Variants in CEP192 observed in about 807,000 individuals in gnomAD.
The protein encoded by CEP192 is centrosomal protein 192, also known as centrosomal protein of 192 kDa.
Under a neutral mutation model 271.8 loss-of-function variants are expected in CEP192, and 151 were observed. That is an observed-to-expected ratio of 0.56 (90% CI 0.49 to 0.64). CEP192 has a LOEUF of 0.64. Ranked by LOEUF, CEP192 falls within the 30% of genes least tolerant of loss-of-function variation. The pLI, the probability that CEP192 is intolerant of heterozygous loss-of-function variation, is 0.00. For synonymous variants in CEP192, 995 were observed against 1,076.5 expected, an observed-to-expected ratio of 0.92 and a Z score of 1.48; for missense variants, 2,910 against 3,020.5, an observed-to-expected ratio of 0.96 and a Z score of 0.86.
At chr18:13,092,267 C>G (rs374104882) in intron 33 of CEP192, 110 bp from the exon 34 acceptor site, 2 of 741,124 alleles carry the variant, frequency 2.7e-6, no homozygotes, top group Admixed American at 3.7e-5. Flanking sequence ...GTCACCTCCC[C>G]CAACCCAGGA....
chr18:13,099,072 C>T (rs758478570), intron 36 of CEP192, among the ~76,000 whole-genome samples: 74 of 151,322 alleles, frequency 4.9e-4, no homozygotes, highest in Non-Finnish European at 8.3e-4. Context: ...CGCAGGCACT[C>T]GGCAGGCTGA....
chr18:13,105,573 C>A (rs369154883), intron 40 of CEP192, among the ~76,000 whole-genome samples: 1 of 152,118 alleles, frequency 6.6e-6, no homozygotes, highest in Non-Finnish European at 1.5e-5. Context: ...TTCTAATTGC[C>A]GAAACTTACT....
At position 13,049,026 on chromosome 18, in the gene CEP192, C is replaced by T. The variant is rs374786520; in HGVS notation, c.2235C>T (p.Thr745=). Reference sequence around the variant, plus strand: ...TGATCAAGGCACTTTCAAATAAAACCAGAGACAAGACTTTTCAGGAAGATG... The same window carrying T: ...TGATCAAGGCACTTTCAAATAAAACTAGAGACAAGACTTTTCAGGAAGATG... ...AAMIKALSNK[T]RDKTFQEDEK... is the part of the protein sequence containing the mutation. Residue 745 remains threonine (T), a synonymous_variant, in exon 16 of 45, where the codon ACC becomes ACT. Coordinates refer to ENST00000506447, the MANE Select transcript of CEP192 (RefSeq NM_032142.4). The T allele has an allele frequency of 6.2e-6, 10 of 1,614,052 alleles. No homozygotes were observed. In the African/African-American group the frequency reaches 1.1e-4, roughly 17 times the overall value.
At chr18:13,049,733 T>A (rs1223021882) in intron 16 of CEP192, 32 bp from the exon 17 acceptor site, 1 of 1,604,892 alleles carries the variant, frequency 6.2e-7, no homozygotes, top group Non-Finnish European at 8.5e-7. Context: ...GTTTATTTTC[T>A]CTTCTTACTG....
rs770818533 is a variant in CEP192, at chr18:13,100,514, T to G, written c.6871+2T>G. The G allele has an allele frequency of 6.3e-7, 1 of 1,598,004 alleles. No homozygotes were observed. The highest frequency in any genetic ancestry group is 1.7e-5 in the Admixed American group (1 of 59,966). ...CAACAGAACCTGGTGAAACTTCAGG[T>G]ATTGTATCACAAAATTATGTAATTC... On this transcript the variant is annotated splice_donor_variant, in intron 38 of 44. Transcript: ENST00000506447. LOFTEE classifies it high-confidence loss of function.
At chr18:13,035,217 C>T (rs1366693447) in intron 11 of CEP192, among the ~76,000 whole-genome samples, 2 of 152,130 alleles carry the variant, frequency 1.3e-5, no homozygotes, top group Non-Finnish European at 2.9e-5. Flanking sequence ...TATTTAAAAA[C>T]CAGGTGATAT....
intron 9 of CEP192, among the ~76,000 whole-genome samples, chr18:13,025,859 A>G (rs2035268758): frequency 6.6e-6 from 1 of 152,204 alleles, no homozygotes; most frequent in Non-Finnish European, 1.5e-5. Context: ...ATAATTGAAT[A>G]CATTGTTGCC....
At chr18:13,122,741 T>G (rs2040728656) in intron 44 of CEP192, among the ~76,000 whole-genome samples, 1 of 152,218 alleles carries the variant, frequency 6.6e-6, no homozygotes, top group South Asian at 2.1e-4. Flanking sequence ...CTGCTCTGCG[T>G]GCCTTTGCAA....
intron 11 of CEP192, among the ~76,000 whole-genome samples, chr18:13,030,838 T>C (rs66935882): frequency 0.14 from 20,570 of 152,152 alleles, 1,535 homozygotes; most frequent in East Asian, 0.31. Flanking sequence ...GAATAGCATT[T>C]GTATACTACC....
chr18:13,012,285 A>T (rs1414895170), intron 4 of CEP192, among the ~76,000 whole-genome samples: 1 of 152,168 alleles, frequency 6.6e-6, no homozygotes, highest in Non-Finnish European at 1.5e-5. Context: ...TGAATTAATG[A>T]TATATTAATT....
intron 21 of CEP192, among the ~76,000 whole-genome samples, chr18:13,059,679 A>G (rs1043897898): frequency 2.0e-5 from 3 of 152,104 alleles, no homozygotes; most frequent in East Asian, 3.8e-4. Flanking sequence ...CTAGTCACCT[A>G]TTTTCTGGAA....
In CEP192 at chr18:12,993,248, C is replaced by T. The variant is rs901421241; in HGVS notation, c.-5+1811C>T. ...GGATTTGGGTGAAGACTAAAGATAACGGCGGGAATGAATGGAGGAAAGGTA... is the reference window on the plus strand; with the variant it reads ...GGATTTGGGTGAAGACTAAAGATAATGGCGGGAATGAATGGAGGAAAGGTA... On this transcript the variant is annotated intron_variant, in intron 1 of 44. Transcript: ENST00000506447. Among the ~76,000 whole-genome samples, 19 of 152,050 alleles carry T rather than the reference C, an allele frequency of 1.2e-4. 1 individual carries two copies. The highest frequency in any genetic ancestry group is 8.5e-4 in the Admixed American group (13 of 15,260).
chr18:13,035,394 G>A (rs532891881), intron 11 of CEP192, among the ~76,000 whole-genome samples: 18 of 152,136 alleles, frequency 1.2e-4, no homozygotes, highest in Admixed American at 8.5e-4. Context: ...GAGGCAAAAG[G>A]CACCTCTTAC....
At chr18:13,037,433 A>G (rs74368882) in intron 12 of CEP192, 132 bp downstream of exon 12, 23,665 of 488,788 alleles carry the variant, frequency 0.048, 1,094 homozygotes, top group East Asian at 0.19. Context: ...TGGCTAGACA[A>G]CTTCTGCTTT....
intron 22 of CEP192, 52 bp from the exon 23 acceptor site, chr18:13,068,042 C>G (rs1387613344): frequency 6.2e-7 from 1 of 1,603,218 alleles, no homozygotes; most frequent in African/African-American, 1.3e-5. Flanking sequence ...TGTTAGCAAA[C>G]TTAGCATTAC....
At chr18:13,059,609 A>G (rs1322558880) in intron 21 of CEP192, among the ~76,000 whole-genome samples, 2 of 152,170 alleles carry the variant, frequency 1.3e-5, no homozygotes, top group Non-Finnish European at 2.9e-5. Flanking sequence ...CCAGTGGTTC[A>G]TATTCTTTTT....
At chr18:13,058,879 A>G in intron 20 of CEP192, 2 of 570,172 alleles carry the variant, frequency 3.5e-6, no homozygotes, top group Non-Finnish European at 6.3e-6. Context: ...GCCTTGGTGC[A>G]GCAAGAACAT....
intron 15 of CEP192, among the ~76,000 whole-genome samples, chr18:13,048,250 T>A (rs916679734): frequency 3.3e-5 from 5 of 152,218 alleles, no homozygotes; most frequent in African/African-American, 9.6e-5. Flanking sequence ...TTCCCACCAA[T>A]TTGCTCCATC....
At chr18:13,083,997 G>A (rs944591467) in intron 30 of CEP192, among the ~76,000 whole-genome samples, 2 of 152,058 alleles carry the variant, frequency 1.3e-5, no homozygotes, top group African/African-American at 4.8e-5. Flanking sequence ...TGGCAGCTTC[G>A]TCCCAGAGGG....
Sources: allele counts gnomAD v4.1 joint callset (sites outside exome capture counted in the v4.1 genomes callset), GRCh38; gene constraint gnomAD v4.1.1; transcripts MANE v1.5; gene names NCBI Gene and HGNC (gene_info 2026-07-23, HGNC 2026-07-21).